Variants in ATL2 observed in about 807,000 individuals in gnomAD.
ATL2 encodes the protein atlastin-2.
In ATL2, 31 loss-of-function variants were observed where a neutral mutation model predicts 73.9. The observed-to-expected ratio is 0.42, with a 90% CI of 0.32 to 0.57. The LOEUF is 0.57. Ranked by LOEUF, ATL2 falls within the 20% of genes least tolerant of loss-of-function variation. ATL2 has a pLI of 0.14. For missense variants in ATL2, 738 were observed against 702.6 expected, an observed-to-expected ratio of 1.05 and a Z score of -0.57; for synonymous variants, 291 against 237.5, an observed-to-expected ratio of 1.23 and a Z score of -2.07.
At chr2:38,370,150 CAAAAAAAAAAA>C (rs962952444) in intron 1 of ATL2, among the ~76,000 whole-genome samples, 4 of 43,928 alleles carry the variant, frequency 9.1e-5, no homozygotes, top group Non-Finnish European at 1.6e-4. Flanking sequence ...GAGACTCCGT[CAAAAAAAAAAA>C]AAAAAAAAAA....
Position 38,305,548 on chromosome 2 carries a change from C to CA in ATL2, c.1071+3830dup, listed in dbSNP as rs57619212. ...TGGGCAAAACAGCGACACTTGGTCT[C>CA]AAAAAAAAAATCAAAAAAATTGAAA... On this transcript the variant is annotated intron_variant, in intron 9 of 12. Transcript: ENST00000378954. Among the ~76,000 whole-genome samples, 461 of 147,052 alleles carry CA rather than the reference C, an allele frequency of 3.1e-3. 5 individuals carry two copies. Among genetic ancestry groups the CA allele is most frequent in the African/African-American group, 0.01 (416 of 39,992 alleles).
chr2:38,348,927 C>T (rs1428795211), intron 1 of ATL2, among the ~76,000 whole-genome samples: 1 of 152,132 alleles, frequency 6.6e-6, no homozygotes, highest in Non-Finnish European at 1.5e-5. Flanking sequence ...AAAAAATGCT[C>T]ATCATCACTG....
At chr2:38,312,486 C>T (rs550936734) in intron 7 of ATL2, among the ~76,000 whole-genome samples, 4 of 151,954 alleles carry the variant, frequency 2.6e-5, no homozygotes, top group South Asian at 4.1e-4. Flanking sequence ...CGAGGTAGGC[C>T]GATCACAAGG....
chr2:38,296,788 T>G, intron 12 of ATL2: 2 of 1,522,662 alleles, frequency 1.3e-6, no homozygotes, highest in Non-Finnish European at 1.8e-6. Flanking sequence ...TTACCTTACC[T>G]AAACTATACT....
At chr2:38,369,526 T>C (rs1020719467) in intron 1 of ATL2, among the ~76,000 whole-genome samples, 1 of 151,520 alleles carries the variant, frequency 6.6e-6, no homozygotes. Flanking sequence ...GACTTTGTCA[T>C]CCACCCGCCT....
intron 2 of ATL2, among the ~76,000 whole-genome samples, chr2:38,326,004 T>G (rs1668641612): frequency 6.6e-6 from 1 of 150,674 alleles, no homozygotes. Context: ...GCCTGTAATC[T>G]CAGCTATTCA....
intron 1 of ATL2, chr2:38,376,077 C>G (rs1671942699): frequency 7.0e-7 from 1 of 1,421,920 alleles, no homozygotes; most frequent in African/African-American, 1.4e-5. Context: ...GAGCTCGTAT[C>G]TGTATTTAAT....
chr2:38,311,596 G>C (rs1373121257), intron 7 of ATL2, among the ~76,000 whole-genome samples: 2 of 152,090 alleles, frequency 1.3e-5, no homozygotes, highest in East Asian at 1.9e-4. Context: ...AAAAAAGCTA[G>C]ACTCAAATAC....
At chr2:38,371,062 T>G (rs749621743) in intron 1 of ATL2, among the ~76,000 whole-genome samples, 7 of 152,188 alleles carry the variant, frequency 4.6e-5, no homozygotes, top group Non-Finnish European at 1.0e-4. Context: ...AACCAACTTT[T>G]GGCATCCCAC....
chr2:38,309,291 T>G (rs1035163887), intron 9 of ATL2, 88 bp downstream of exon 9: 19 of 1,298,308 alleles, frequency 1.5e-5, no homozygotes, highest in Middle Eastern at 2.6e-4. Flanking sequence ...TGTTTTAAAA[T>G]AAAGACAAGA....
chr2:38,346,114 G>T (rs927941212), intron 1 of ATL2, among the ~76,000 whole-genome samples: 1 of 152,196 alleles, frequency 6.6e-6, no homozygotes, highest in African/African-American at 2.4e-5. Context: ...CTTGCTGGCT[G>T]TCCTTGACAT....
At chr2:38,336,917 GCCAAA>G (rs1669389144) in intron 2 of ATL2, among the ~76,000 whole-genome samples, 1 of 152,210 alleles carries the variant, frequency 6.6e-6, no homozygotes, top group African/African-American at 2.4e-5. Context: ...AAGTACTCTT[GCCAAA>G]AGAGCGTCAA....
intron 12 of ATL2, chr2:38,296,805 G>C (rs755780114): frequency 2.8e-4 from 414 of 1,479,964 alleles, no homozygotes; most frequent in Non-Finnish European, 3.7e-4. Flanking sequence ...TACTGAAAAT[G>C]ATTTTATACA....
intron 11 of ATL2, 74 bp downstream of exon 11, chr2:38,299,182 A>T (rs3816370): frequency 0.41 from 545,023 of 1,342,694 alleles, 116,826 homozygotes; most frequent in African/African-American, 0.76. Context: ...TATTTAAAAA[A>T]TTTTTTTAAT....
At chr2:38,330,680 G>A (rs780519092) in intron 2 of ATL2, among the ~76,000 whole-genome samples, 2 of 152,122 alleles carry the variant, frequency 1.3e-5, no homozygotes, top group Non-Finnish European at 2.9e-5. Context: ...GGAATAAATT[G>A]AAGAAAAGTG....
At chr2:38,324,005 G>T (rs2148446275) in intron 2 of ATL2, among the ~76,000 whole-genome samples, 1 of 152,370 alleles carries the variant, frequency 6.6e-6, no homozygotes, top group Non-Finnish European at 1.5e-5. Context: ...GGCCGGTAAG[G>T]TGGCTCACGC....
At chr2:38,374,243 G>A (rs1403751912) in intron 1 of ATL2, among the ~76,000 whole-genome samples, 1 of 152,196 alleles carries the variant, frequency 6.6e-6, no homozygotes, top group Admixed American at 6.5e-5. Flanking sequence ...TGTGTATCAT[G>A]TGCTGTGTGG....
chr2:38,328,305 C>T (rs550394127), intron 2 of ATL2, among the ~76,000 whole-genome samples: 1 of 152,142 alleles, frequency 6.6e-6, no homozygotes, highest in African/African-American at 2.4e-5. Context: ...CATAGTCGAG[C>T]TGAACAGCAT....
At chr2:38,342,039 G>C (rs746835652) in intron 2 of ATL2, among the ~76,000 whole-genome samples, 1 of 151,928 alleles carries the variant, frequency 6.6e-6, no homozygotes, top group Admixed American at 6.6e-5. Context: ...TCCTTCTCCT[G>C]TTCCCTTTCA....
Sources: gnomAD v4.1 joint callset for allele counts (sites outside exome capture counted in the v4.1 genomes callset) on GRCh38, gnomAD v4.1.1 for gene constraint, MANE v1.5 for transcripts, NCBI Gene and HGNC (gene_info 2026-07-23, HGNC 2026-07-21) for gene names.